CLHC1: variants seen among roughly 807,000 people sequenced by gnomAD.
The protein encoded by CLHC1 is clathrin heavy chain linker domain-containing protein 1.
A neutral mutation model predicts 69.5 loss-of-function variants in CLHC1; 72 were observed. The observed-to-expected ratio is 1.04, with a 90% CI of 0.86 to 1.26. The LOEUF is 1.26. Ranked by LOEUF, CLHC1 falls within the 50% of genes most tolerant of loss-of-function variation. The pLI is 0.00. For missense variants in CLHC1, 790 were observed against 679.3 expected, an observed-to-expected ratio of 1.16 and a Z score of -1.81; for synonymous variants, 223 against 224.3, an observed-to-expected ratio of 0.99 and a Z score of 0.05.
chr2:55,227,726 G>C lies in CLHC1; in HGVS notation c.-83+306C>G, dbSNP rs997520092. On this transcript the variant is annotated intron_variant, in intron 2 of 12. Coordinates refer to ENST00000401408, the MANE Select transcript of CLHC1 (RefSeq NM_152385.4). ...TAAAAGTCAAAAGAGGAAGAAACGG[G>C]TGTTATCATTAGAGAGGGGGTAGTG... 9.9e-5 allele frequency among the ~76,000 whole-genome samples: 15 copies of C among 151,878 alleles called. No individual in the cohort carries two copies. In the South Asian group the frequency reaches 2.3e-3, roughly 23 times the overall value.
chr2:55,176,096 C>T, intron 12 of CLHC1, 110 bp from the exon 13 acceptor site: 2 of 846,780 alleles, frequency 2.4e-6, no homozygotes, highest in Non-Finnish European at 3.7e-6. Context: ...TACTGTTAAA[C>T]TCTACCTGAT....
At chr2:55,219,967 C>T (rs1673955828) in intron 3 of CLHC1, among the ~76,000 whole-genome samples, 1 of 152,110 alleles carries the variant, frequency 6.6e-6, no homozygotes, top group Non-Finnish European at 1.5e-5. Context: ...AACTCCTGGC[C>T]TCAAGCGATG....
In CLHC1 at chr2:55,175,741, G is replaced by C; in HGVS notation, c.*49C>G. ...CGTTAAAATCAGTTTTTCCCAACCAGCATACATAAGGTGTTGTACAAGCTC... is the reference window on the plus strand; with the variant it reads ...CGTTAAAATCAGTTTTTCCCAACCACCATACATAAGGTGTTGTACAAGCTC... On this transcript the variant is annotated 3_prime_UTR_variant, in exon 13 of 13. Coordinates refer to ENST00000401408, the MANE Select transcript of CLHC1 (RefSeq NM_152385.4). The C allele has an allele frequency of 1.5e-6, 2 of 1,340,180 alleles. No homozygotes were observed. The highest frequency in any genetic ancestry group is 4.6e-5 in the East Asian group (2 of 43,110). The allele number at this position is 1,340,180 out of a possible 1,614,324, so 83.0% of individuals were successfully genotyped here.
At position 55,175,057 on chromosome 2, in the gene CLHC1, T is replaced by C. The variant is rs990414057; in HGVS notation, c.*733A>G. The C allele has an allele frequency of 6.6e-6, 1 of 152,184 alleles. No homozygotes were observed. The highest frequency in any genetic ancestry group is 2.4e-5 in the African/African-American group (1 of 41,430). 9.4% of individuals were successfully genotyped at this position (152,184 alleles called of 1,614,324 possible). A position where few individuals can be genotyped will look rare whatever the true frequency, so the allele number is the denominator to read the frequency against. Reference sequence around the variant, plus strand: ...CCCATGCCATACTAATCATTAAATATTTTTAATATTACACCTGTCCATGGC... The same window carrying C: ...CCCATGCCATACTAATCATTAAATACTTTTAATATTACACCTGTCCATGGC... On this transcript the variant is annotated 3_prime_UTR_variant, in exon 13 of 13. Coordinates refer to ENST00000401408, the MANE Select transcript of CLHC1 (RefSeq NM_152385.4).
At chr2:55,185,884 T>C (rs915923658) in intron 9 of CLHC1, among the ~76,000 whole-genome samples, 2 of 152,240 alleles carry the variant, frequency 1.3e-5, no homozygotes, top group Admixed American at 6.5e-5. Flanking sequence ...CTTCTACCAA[T>C]GATATCTTTG....
chr2:55,203,229 T>C (rs867430702), intron 9 of CLHC1, among the ~76,000 whole-genome samples: 1 of 152,184 alleles, frequency 6.6e-6, no homozygotes, highest in Admixed American at 6.5e-5. Context: ...AAAATGTCTA[T>C]ACTACCCAAA....
chr2:55,217,652 A>T (rs1673706810), intron 4 of CLHC1, among the ~76,000 whole-genome samples, 159 bp downstream of exon 4: 1 of 149,120 alleles, frequency 6.7e-6, no homozygotes, highest in South Asian at 2.1e-4. Context: ...TAAACAATAC[A>T]GTAACTTCAA....
At chr2:55,203,936 A>C (rs1174497010) in intron 9 of CLHC1, among the ~76,000 whole-genome samples, 1 of 152,190 alleles carries the variant, frequency 6.6e-6, no homozygotes, top group East Asian at 1.9e-4. Context: ...TAACCAGAAT[A>C]CATAAGGAGC....
chr2:55,201,978 C>T (rs1312262557), intron 9 of CLHC1, among the ~76,000 whole-genome samples: 1 of 151,908 alleles, frequency 6.6e-6, no homozygotes, highest in Non-Finnish European at 1.5e-5. Flanking sequence ...ATGATAAAAA[C>T]CAGAAAAAAA....
chr2:55,181,212 C>T (rs1395209773), intron 10 of CLHC1, among the ~76,000 whole-genome samples: 1 of 152,124 alleles, frequency 6.6e-6, no homozygotes, highest in African/African-American at 2.4e-5. Context: ...AACTCCTGAC[C>T]TCAAGTCATC....
At chr2:55,176,621 C>T (rs1259179068) in intron 12 of CLHC1, among the ~76,000 whole-genome samples, 1 of 152,096 alleles carries the variant, frequency 6.6e-6, no homozygotes, top group East Asian at 1.9e-4. Context: ...TTATGGAACT[C>T]ATTTCTTATC....
chr2:55,184,268 G>A (rs1262660485), intron 9 of CLHC1, among the ~76,000 whole-genome samples: 1 of 151,860 alleles, frequency 6.6e-6, no homozygotes, highest in African/African-American at 2.4e-5. Context: ...ACCACGGCCG[G>A]CTAATTTTTT....
At chr2:55,194,314 C>T (rs1008978214) in intron 9 of CLHC1, among the ~76,000 whole-genome samples, 1 of 151,918 alleles carries the variant, frequency 6.6e-6, no homozygotes, top group African/African-American at 2.4e-5. Flanking sequence ...ATAATCCTCT[C>T]AATAAATGTA....
intron 9 of CLHC1, among the ~76,000 whole-genome samples, chr2:55,191,723 T>C (rs1670948037): frequency 6.6e-6 from 1 of 151,850 alleles, no homozygotes; most frequent in African/African-American, 2.4e-5. Context: ...TAATGAGTTA[T>C]ATAGCTCCTA....
chr2:55,181,297 T>A (rs1371473079), intron 10 of CLHC1, among the ~76,000 whole-genome samples: 2 of 152,018 alleles, frequency 1.3e-5, no homozygotes, highest in Non-Finnish European at 2.9e-5. Flanking sequence ...TCTGGCTAAT[T>A]TTTGTATTTT....
At position 55,209,798 on chromosome 2, in the gene CLHC1, G is replaced by A. The variant is rs9677948; in HGVS notation, c.533C>T (p.Ala178Val). ...MTLQESMNLD[A>V]LTKYMKHLED... is the part of the protein sequence containing the mutation. ...AAGATGTTTCATGTATTTAGTGAGA[G>A]CATCTAGATTCATGGATTCTTGAAG... Residue 178 changes from alanine to valine, a missense_variant, in exon 6 of 13, where the codon GCT becomes GTT. Physicochemically the swap from Ala to Val is moderately conservative, Grantham distance 64. Coordinates refer to ENST00000401408, the MANE Select transcript of CLHC1 (RefSeq NM_152385.4). 0.22 allele frequency: 354,934 copies of A among 1,604,720 alleles called. 41,513 individuals are homozygous for A. The highest frequency in any genetic ancestry group is 0.35 in the African/African-American group (26,504 of 74,728).
chr2:55,176,403 A>T (rs1334916132), intron 12 of CLHC1, among the ~76,000 whole-genome samples: 2 of 152,202 alleles, frequency 1.3e-5, no homozygotes, highest in Non-Finnish European at 2.9e-5. Context: ...AGTTTTCATG[A>T]TTTCAAACAC....
Position 55,212,682 on chromosome 2 carries a change from G to C in CLHC1, c.490C>G (p.Pro164Ala), listed in dbSNP as rs1673124488. The C allele has an allele frequency of 6.3e-7, 1 of 1,598,214 alleles. No homozygotes were observed. Among genetic ancestry groups the C allele is most frequent in the Non-Finnish European group, 8.6e-7 (1 of 1,166,226 alleles). Residue 164 changes from proline to alanine, a missense_variant, in exon 5 of 13, where the codon CCT (proline) becomes GCT (alanine). Coordinates refer to ENST00000401408, the MANE Select transcript of CLHC1 (RefSeq NM_152385.4). ...YCTFSKDPSK[P>A]IPGMTLQESM... The stretch of plus-strand genomic sequence containing the variant: ...AAACAAAATACAATACCTGGAATAG[G>C]TTTTGAAGGATCTTTGGAGAAAGTA...
chr2:55,196,300 C>A (rs1671409393), intron 9 of CLHC1, among the ~76,000 whole-genome samples: 2 of 152,154 alleles, frequency 1.3e-5, no homozygotes, highest in South Asian at 4.1e-4. Flanking sequence ...TAGTGCTGTG[C>A]TGGACTCACA....
Sources: gnomAD v4.1 joint callset for allele counts (sites outside exome capture counted in the v4.1 genomes callset) on GRCh38, gnomAD v4.1.1 for gene constraint, MANE v1.5 for transcripts, NCBI Gene and HGNC (gene_info 2026-07-23, HGNC 2026-07-21) for gene names.